The following GPC5 variants were observed in gnomAD, a reference collection of about 807,000 sequenced individuals.
GPC5 encodes the protein glypican 5.
GPC5 carries 47 observed loss-of-function variants against 53.9 expected under a neutral mutation model. The observed-to-expected ratio is 0.87, with a 90% CI of 0.69 to 1.11. GPC5 has a LOEUF of 1.11. Ranked by LOEUF, GPC5 falls within the 50% of genes most tolerant of loss-of-function variation. GPC5 has a pLI of 0.00. For synonymous variants in GPC5, 286 were observed against 263.3 expected (o/e 1.09, Z -0.84); for missense variants, 748 against 713.1 (o/e 1.05, Z -0.56).
chr13:92,520,065 C>T (rs191572026), intron 7 of GPC5, among the ~76,000 whole-genome samples: 3 of 152,200 alleles, frequency 2.0e-5, no homozygotes, highest in Admixed American at 2.0e-4. Flanking sequence ...TACACCCTTC[C>T]AAGACTAAAC....
intron 7 of GPC5, among the ~76,000 whole-genome samples, chr13:92,660,513 G>T (rs557631435): frequency 6.6e-6 from 1 of 151,372 alleles, no homozygotes; most frequent in South Asian, 2.1e-4. Flanking sequence ...GCACATATGT[G>T]AACACAAATT....
intron 4 of GPC5, among the ~76,000 whole-genome samples, chr13:91,729,156 G>A (rs1353770340): frequency 1.3e-5 from 2 of 152,104 alleles, no homozygotes; most frequent in East Asian, 1.9e-4. Context: ...ATAAGAAGAA[G>A]TTTTCATAAT....
chr13:92,368,018 T>C (rs2043619735), intron 7 of GPC5, among the ~76,000 whole-genome samples: 1 of 152,112 alleles, frequency 6.6e-6, no homozygotes, highest in South Asian at 2.1e-4. Context: ...AGAGTTTCAC[T>C]CTGTCACCCA....
intron 7 of GPC5, among the ~76,000 whole-genome samples, chr13:92,365,078 G>A (rs1277441732): frequency 1.3e-5 from 2 of 151,622 alleles, no homozygotes; most frequent in African/African-American, 4.9e-5. Flanking sequence ...ACTTAATGAT[G>A]GGGCTACCTT....
At chr13:92,665,391 G>C (rs201194806) in intron 7 of GPC5, among the ~76,000 whole-genome samples, 1 of 152,212 alleles carries the variant, frequency 6.6e-6, no homozygotes, top group South Asian at 2.1e-4. Context: ...CCCACATCCC[G>C]GAAGTGTCAA....
At chr13:92,294,826 C>CTT (rs147963724) in intron 7 of GPC5, among the ~76,000 whole-genome samples, 26 of 99,008 alleles carry the variant, frequency 2.6e-4, no homozygotes, top group Admixed American at 1.1e-3. Context: ...TTTTTTTTTT[C>CTT]TTTTTTTTTT....
chr13:92,363,018 C>A (rs1424320041), intron 7 of GPC5, among the ~76,000 whole-genome samples: 1 of 151,432 alleles, frequency 6.6e-6, no homozygotes, highest in Non-Finnish European at 1.5e-5. Context: ...TTTACAGAGG[C>A]CAAAATGGCC....
chr13:92,134,865 T>C (rs2041771052), intron 6 of GPC5, among the ~76,000 whole-genome samples: 2 of 152,172 alleles, frequency 1.3e-5, no homozygotes, highest in Admixed American at 1.3e-4. Context: ...CATTCGTGTG[T>C]GTGTGGGCAA....
At chr13:91,406,740 C>T (rs577616501) in intron 1 of GPC5, among the ~76,000 whole-genome samples, 1 of 152,202 alleles carries the variant, frequency 6.6e-6, no homozygotes, top group Non-Finnish European at 1.5e-5. Flanking sequence ...TCTTCTCCTT[C>T]TGGGTGGTAG....
intron 6 of GPC5, among the ~76,000 whole-genome samples, chr13:91,961,980 A>G (rs187417380): frequency 5.9e-5 from 9 of 152,314 alleles, no homozygotes; most frequent in Admixed American, 3.9e-4. Context: ...ACATGTCAGA[A>G]ACATTTTTAT....
chr13:91,740,544 G>T (rs572046228), intron 4 of GPC5, among the ~76,000 whole-genome samples: 11 of 152,198 alleles, frequency 7.2e-5, no homozygotes, highest in Admixed American at 7.2e-4. Flanking sequence ...AGACGTAATT[G>T]TCCTGATTCA....
At chr13:91,632,773 A>C (rs1276718980) in intron 2 of GPC5, among the ~76,000 whole-genome samples, 1 of 152,164 alleles carries the variant, frequency 6.6e-6, no homozygotes, top group African/African-American at 2.4e-5. Flanking sequence ...AAAGCTGTTG[A>C]ATGGTCACCT....
At chr13:91,816,200 T>G (rs2038396651) in intron 5 of GPC5, among the ~76,000 whole-genome samples, 1 of 152,198 alleles carries the variant, frequency 6.6e-6, no homozygotes, top group South Asian at 2.1e-4. Context: ...CCCCTCACCC[T>G]TCTGCTACTG....
chr13:91,672,276 G>T (rs1486544387), intron 2 of GPC5, among the ~76,000 whole-genome samples: 1 of 152,140 alleles, frequency 6.6e-6, no homozygotes. Flanking sequence ...CATAGCAAAA[G>T]AAACTATCAT....
chr13:91,448,806 C>A lies in GPC5; in HGVS notation c.209C>A (p.Thr70Asn). Residue 70 changes from threonine to asparagine, a missense_variant, in exon 2 of 8, where the codon ACC becomes AAC. By Grantham distance (65) the Thr-to-Asn change is moderately conservative. Transcript: ENST00000377067. ...ATATCCAAAAAGCCTACATGTTGCA[C>A]CAGGAAGATGGAGGAGAGATATCAG... The part of the protein sequence containing the change: ...VCISKKPTCC[T>N]RKMEERYQIA... The A allele has an allele frequency of 6.2e-7, 1 of 1,613,698 alleles. No homozygotes were observed. Among genetic ancestry groups the A allele is most frequent in the East Asian group, 2.2e-5 (1 of 44,864 alleles).
intron 7 of GPC5, among the ~76,000 whole-genome samples, chr13:92,587,129 C>A (rs564849628): frequency 1.2e-4 from 18 of 151,936 alleles, no homozygotes; most frequent in Non-Finnish European, 2.5e-4. Context: ...TTATTGTACT[C>A]CTAAGTAAAA....
chr13:92,367,977 CTG>C (rs1295901169), intron 7 of GPC5, among the ~76,000 whole-genome samples: 2 of 151,968 alleles, frequency 1.3e-5, no homozygotes, highest in Non-Finnish European at 2.9e-5. Context: ...ACTTTTGTGT[CTG>C]TGTGTGTGGC....
chr13:92,446,757 G>C (rs993917722), intron 7 of GPC5: 5 of 152,110 alleles, frequency 3.3e-5, no homozygotes, highest in Non-Finnish European at 5.9e-5. Context: ...AACAGTGTAT[G>C]AGGATTACCT....
chr13:92,684,557 C>T (rs1321427907), intron 7 of GPC5, among the ~76,000 whole-genome samples: 1 of 152,202 alleles, frequency 6.6e-6, no homozygotes, highest in African/African-American at 2.4e-5. Flanking sequence ...GCATGAGCCA[C>T]CACACCCAGC....
Sources: allele counts gnomAD v4.1 joint callset (sites outside exome capture counted in the v4.1 genomes callset), GRCh38; gene constraint gnomAD v4.1.1; transcripts MANE v1.5; gene names NCBI Gene and HGNC (gene_info 2026-07-23, HGNC 2026-07-21).